The following TENM2 variants were observed in gnomAD, a reference collection of about 807,000 sequenced individuals.
The protein encoded by TENM2 is teneurin-2.
TENM2 carries 52 observed loss-of-function variants against 245.2 expected under a neutral mutation model. That is an observed-to-expected ratio of 0.21 (90% CI 0.17 to 0.27). The LOEUF is 0.27. Among genes scored for constraint, TENM2 ranks in the 10% least tolerant of loss-of-function variants. The pLI is 1.00. For synonymous variants in TENM2, 1,363 were observed against 1,438.9 expected, an observed-to-expected ratio of 0.95 and a Z score of 1.19; for missense variants, 3,046 against 3,666.8, an observed-to-expected ratio of 0.83 and a Z score of 4.37.
intron 2 of TENM2, among the ~76,000 whole-genome samples, chr5:167,393,370 C>T (rs940330463): frequency 1.3e-5 from 2 of 152,092 alleles, no homozygotes; most frequent in African/African-American, 2.4e-5. Context: ...CCAAGGAAAA[C>T]TTTATTAAAA....
At chr5:167,182,225 GTTCTGC>G in the TENM2 span, among the ~76,000 whole-genome samples, 1 of 152,040 alleles carries the variant, frequency 6.6e-6, no homozygotes, top group Non-Finnish European at 1.5e-5. Flanking sequence ...TGCAGGGGAA[GTTCTGC>G]TAATATCTAT....
chr5:167,757,801 G>A (rs531834969), intron 2 of TENM2, among the ~76,000 whole-genome samples: 2 of 152,144 alleles, frequency 1.3e-5, no homozygotes, highest in Non-Finnish European at 2.9e-5. Context: ...GCATGAGATG[G>A]TATCTCATTG....
chr5:167,522,563 A>G (rs1770837554), intron 2 of TENM2, among the ~76,000 whole-genome samples: 1 of 152,024 alleles, frequency 6.6e-6, no homozygotes, highest in Non-Finnish European at 1.5e-5. Flanking sequence ...TTTTGCCTGT[A>G]TTATTTATTT....
chr5:168,233,416 T>G (rs1055735958), intron 25 of TENM2, among the ~76,000 whole-genome samples: 11 of 152,196 alleles, frequency 7.2e-5, no homozygotes, highest in Non-Finnish European at 1.2e-4. Flanking sequence ...ACAAGTGCCA[T>G]GTGGTGGGTA....
chr5:167,307,570 A>G (rs1561850948), intron 1 of TENM2, among the ~76,000 whole-genome samples: 1 of 152,068 alleles, frequency 6.6e-6, no homozygotes, highest in East Asian at 1.9e-4. Flanking sequence ...TGAGGAAACT[A>G]AGACTCAGGG....
At chr5:167,294,666 T>C (rs1754843683) in intron 1 of TENM2, among the ~76,000 whole-genome samples, 1 of 152,150 alleles carries the variant, frequency 6.6e-6, no homozygotes, top group Non-Finnish European at 1.5e-5. Flanking sequence ...ATAGGACATA[T>C]TCGGCCCCTA....
At chr5:167,276,508 G>GT in the TENM2 span, among the ~76,000 whole-genome samples, 1 of 151,852 alleles carries the variant, frequency 6.6e-6, no homozygotes, top group African/African-American at 2.4e-5. Flanking sequence ...AAATATTTGA[G>GT]TTTTTTGAGT....
chr5:168,230,726 G>A (rs1486776556), intron 25 of TENM2, among the ~76,000 whole-genome samples: 1 of 152,132 alleles, frequency 6.6e-6, no homozygotes, highest in East Asian at 1.9e-4. Context: ...TGTTTATTAG[G>A]TGCCAACACT....
At chr5:167,480,499 A>G (rs1413755119) in intron 2 of TENM2, among the ~76,000 whole-genome samples, 2 of 152,166 alleles carry the variant, frequency 1.3e-5, no homozygotes. Flanking sequence ...AATGGTAGCT[A>G]TTCGGTGTTT....
chr5:168,094,059 C>T (rs1257674142), intron 8 of TENM2, among the ~76,000 whole-genome samples: 1 of 150,234 alleles, frequency 6.7e-6, no homozygotes, highest in East Asian at 1.9e-4. Context: ...ACTTCAGCAA[C>T]TATTTACCAA....
intron 3 of TENM2, among the ~76,000 whole-genome samples, chr5:167,883,674 C>T (rs1774059581): frequency 6.6e-6 from 1 of 152,194 alleles, no homozygotes; most frequent in African/African-American, 2.4e-5. Context: ...AAAAAGATGT[C>T]CTAGGCAAGC....
intron 4 of TENM2, among the ~76,000 whole-genome samples, chr5:167,992,606 A>C (rs1783751498): frequency 6.6e-6 from 1 of 152,202 alleles, no homozygotes; most frequent in Non-Finnish European, 1.5e-5. Context: ...TTTTTTAAAA[A>C]ATAGTAGGTA....
At chr5:167,900,355 G>A (rs1321421493) in intron 3 of TENM2, among the ~76,000 whole-genome samples, 9 of 152,078 alleles carry the variant, frequency 5.9e-5, no homozygotes, top group Admixed American at 3.9e-4. Flanking sequence ...ATTATTATCT[G>A]TGTATCATGA....
intron 2 of TENM2, among the ~76,000 whole-genome samples, chr5:167,517,592 G>C (rs746976734): frequency 6.7e-6 from 1 of 149,204 alleles, no homozygotes; most frequent in Non-Finnish European, 1.5e-5. Flanking sequence ...ATCAGTGAGC[G>C]GATTAAGGGA....
At chr5:167,841,398 C>G (rs575213880) in intron 2 of TENM2, among the ~76,000 whole-genome samples, 63 of 152,274 alleles carry the variant, frequency 4.1e-4, no homozygotes, top group African/African-American at 1.5e-3. Flanking sequence ...GATATAATTT[C>G]AAAATTACAT....
intron 2 of TENM2, among the ~76,000 whole-genome samples, chr5:167,683,481 T>C (rs1756874885): frequency 6.6e-6 from 1 of 152,208 alleles, no homozygotes; most frequent in Non-Finnish European, 1.5e-5. Context: ...GAGTGTGGTT[T>C]TGTTGTTGTT....
intron 23 of TENM2, among the ~76,000 whole-genome samples, chr5:168,222,663 G>A (rs1763768932): frequency 6.6e-6 from 1 of 152,148 alleles, no homozygotes; most frequent in Admixed American, 6.5e-5. Context: ...TAGGGAAGAT[G>A]CATCTGTATT....
intron 2 of TENM2, among the ~76,000 whole-genome samples, chr5:167,799,331 C>A (rs1405799422): frequency 1.3e-5 from 2 of 152,166 alleles, no homozygotes; most frequent in Non-Finnish European, 2.9e-5. Context: ...TCTCTTTAGT[C>A]CTTCAGATGA....
intron 7 of TENM2, among the ~76,000 whole-genome samples, chr5:168,078,873 A>T (rs1791716223): frequency 6.6e-6 from 1 of 152,134 alleles, no homozygotes; most frequent in Non-Finnish European, 1.5e-5. Context: ...TGATGCCTCC[A>T]GTTTTGTTCT....
Sources: allele counts gnomAD v4.1 joint callset (sites outside exome capture counted in the v4.1 genomes callset), GRCh38; gene constraint gnomAD v4.1.1; transcripts MANE v1.5; gene names NCBI Gene and HGNC (gene_info 2026-07-23, HGNC 2026-07-21).